DNAH12: variants seen among roughly 807,000 people sequenced by gnomAD.
The protein encoded by DNAH12 is axonemal beta dynein heavy chain 12.
DNAH12 carries 285 observed loss-of-function variants against 371.5 expected under a neutral mutation model. That is an observed-to-expected ratio of 0.77 (90% CI 0.70 to 0.85). The LOEUF is 0.85. Ranked by LOEUF, DNAH12 falls within the 40% of genes least tolerant of loss-of-function variation. The pLI is 0.00. For missense variants in DNAH12, 3,611 were observed against 3,689.4 expected, an observed-to-expected ratio of 0.98 and a Z score of 0.55; for synonymous variants, 1,200 against 1,213.0, an observed-to-expected ratio of 0.99 and a Z score of 0.22.
intron 60 of DNAH12, among the ~76,000 whole-genome samples, chr3:57,338,953 AAAAG>A (rs2062316349): frequency 6.6e-6 from 1 of 152,256 alleles, no homozygotes; most frequent in South Asian, 2.1e-4. Context: ...AAATGTAGGG[AAAAG>A]AAAGAGAGAT....
intron 62 of DNAH12, among the ~76,000 whole-genome samples, chr3:57,333,697 G>C (rs2062160088): frequency 6.6e-6 from 1 of 152,168 alleles, no homozygotes; most frequent in Non-Finnish European, 1.5e-5. Context: ...ACATCGTGGG[G>C]CTGGATTTGG....
intron 20 of DNAH12, 30 bp downstream of exon 20, chr3:57,459,562 C>T (rs1462558865): frequency 1.5e-6 from 2 of 1,346,386 alleles, no homozygotes; most frequent in Admixed American, 3.0e-5. Flanking sequence ...AAAGGTTCAC[C>T]TACTGTGAGA....
In DNAH12 at chr3:57,352,658, A is replaced by G. The variant is rs182013403; in HGVS notation, c.9534-433T>C. Among the ~76,000 whole-genome samples, 5 of 150,208 alleles carry G rather than the reference A, an allele frequency of 3.3e-5. No homozygotes were observed. In the East Asian group the frequency reaches 9.9e-4, roughly 30 times the overall value. ...GTGACTGAAGACAATCAGTTAATTA[A>G]AAAAAAAAATGCCTATTAAATCTCT... On this transcript the variant is annotated intron_variant, in intron 59 of 73. Transcript: ENST00000495027.
chr3:57,415,354 T>C, intron 38 of DNAH12, 72 bp downstream of exon 38: 8 of 1,495,920 alleles, frequency 5.3e-6, no homozygotes, highest in South Asian at 1.3e-5. Flanking sequence ...TTATTTAATG[T>C]ACAATTTTAA....
chr3:57,489,791 T>C, intron 11 of DNAH12, 104 bp from the exon 12 acceptor site: 1 of 1,202,532 alleles, frequency 8.3e-7, no homozygotes, highest in Non-Finnish European at 1.1e-6. Context: ...TACAACTTTA[T>C]TTCTTTTTTG....
At chr3:57,392,777 T>C (rs2063652465) in intron 44 of DNAH12, among the ~76,000 whole-genome samples, 1 of 151,860 alleles carries the variant, frequency 6.6e-6, no homozygotes, top group Non-Finnish European at 1.5e-5. Flanking sequence ...AATGGAAAAG[T>C]TTAGTAGCAA....
rs1335682828 is a variant in DNAH12 at position 57,458,168 on chromosome 3, T to C, written c.2984A>G (p.Asn995Ser). The change falls in exon 21 of 74, where the codon AAT (asparagine) becomes AGT (serine). Residue 995 changes from asparagine to serine, a missense_variant. Asn to Ser is a conservative substitution (Grantham distance 46). This residue lies in a region of DNAH12 where 1,314 missense variants were observed against 1,398.7 expected (regional missense o/e 0.94). Coordinates refer to ENST00000495027, the MANE Select transcript of DNAH12 (RefSeq NM_001366028.2). ...TGLLEKLQNC[N>S]ELLEKIMKGL... ...TTTCATAATTTTCTCCAAAAGTTCA[T>C]TGCAGTTCTGTAGTTTTTCCAATAA... The C allele has an allele frequency of 4.5e-6, 7 of 1,550,004 alleles. No individual in the cohort carries two copies. Among genetic ancestry groups the C allele is most frequent in the Non-Finnish European group, 6.1e-6 (7 of 1,146,596 alleles).
intron 34 of DNAH12, among the ~76,000 whole-genome samples, 152 bp from the exon 35 acceptor site, chr3:57,425,293 G>A (rs576425864): frequency 2.6e-5 from 4 of 151,962 alleles, no homozygotes; most frequent in African/African-American, 9.7e-5. Flanking sequence ...TGTCATCCAG[G>A]CTGGAGCCCA....
chr3:57,498,812 A>C (rs2067404913), intron 11 of DNAH12, among the ~76,000 whole-genome samples: 1 of 152,164 alleles, frequency 6.6e-6, no homozygotes, highest in Non-Finnish European at 1.5e-5. Context: ...ATCCTGGCTA[A>C]CATGGTGAAA....
intron 67 of DNAH12, 28 bp downstream of exon 67, chr3:57,310,684 TTAATC>T (rs1436619945): frequency 1.6e-5 from 23 of 1,442,528 alleles, no homozygotes; most frequent in Non-Finnish European, 2.1e-5. Context: ...AAATCACACA[TTAATC>T]TAACCTTATT....
At chr3:57,389,265 T>C (rs1252270765) in intron 45 of DNAH12, among the ~76,000 whole-genome samples, 1 of 152,078 alleles carries the variant, frequency 6.6e-6, no homozygotes, top group Non-Finnish European at 1.5e-5. Context: ...CTTATATTTA[T>C]GTTCTGGGTG....
intron 32 of DNAH12, among the ~76,000 whole-genome samples, chr3:57,431,991 G>A (rs1191044550): frequency 6.6e-6 from 1 of 151,978 alleles, no homozygotes; most frequent in Non-Finnish European, 1.5e-5. Context: ...TCCCTCTCAT[G>A]CAGTAAGAGA....
intron 16 of DNAH12, among the ~76,000 whole-genome samples, chr3:57,470,052 A>G (rs1169763073): frequency 6.6e-6 from 1 of 152,200 alleles, no homozygotes; most frequent in Non-Finnish European, 1.5e-5. Context: ...TTTTGGGGGT[A>G]AACATTAGTG....
intron 17 of DNAH12, 110 bp from the exon 18 acceptor site, chr3:57,462,985 AAT>A: frequency 1.4e-6 from 1 of 702,352 alleles, no homozygotes; most frequent in Non-Finnish European, 2.3e-6. Context: ...CAATTTATTT[AAT>A]ATATTTCTAT....
chr3:57,528,726 CA>C (rs1387052838), intron 2 of DNAH12, among the ~76,000 whole-genome samples: 1,296 of 120,442 alleles, frequency 0.011, 17 homozygotes, highest in African/African-American at 0.033. Flanking sequence ...AACTCTGTCT[CA>C]AAAAAAAAAA....
chr3:57,428,618 G>A lies in DNAH12; in HGVS notation c.5253+15C>T, dbSNP rs182310050. The A allele has an allele frequency of 3.0e-3, 4,560 of 1,523,520 alleles. 40 individuals are homozygous for A. Among genetic ancestry groups the A allele is most frequent in the South Asian group, 0.022 (1,698 of 78,822 alleles). 94.4% of individuals were successfully genotyped at this position (1,523,520 alleles called of 1,614,324 possible). On this transcript the variant is annotated intron_variant, in intron 34 of 73. Transcript: ENST00000495027. ...AACAAAGAAACTTGAATAGGTCAGA[G>A]AATTATAGGATTACCTTGCATTTTT...
intron 13 of DNAH12, among the ~76,000 whole-genome samples, chr3:57,474,453 C>A (rs758548601): frequency 1.3e-5 from 2 of 152,022 alleles, no homozygotes; most frequent in African/African-American, 4.8e-5. Context: ...TGTGCCACCA[C>A]GCCCAGCTAA....
intron 52 of DNAH12, among the ~76,000 whole-genome samples, chr3:57,378,559 A>G (rs1476703771): frequency 6.6e-6 from 1 of 152,074 alleles, no homozygotes; most frequent in African/African-American, 2.4e-5. Context: ...ACACCTTTTT[A>G]TTTATATTTC....
intron 9 of DNAH12, among the ~76,000 whole-genome samples, chr3:57,502,698 C>T (rs567813906): frequency 4.6e-5 from 7 of 152,244 alleles, no homozygotes; most frequent in Middle Eastern, 6.8e-3. Context: ...TACAGGCGCA[C>T]GCCACCACGC....
Sources: gnomAD v4.1 joint callset for allele counts (sites outside exome capture counted in the v4.1 genomes callset) on GRCh38, gnomAD v4.1.1 for gene constraint, gnomAD v4.1.1 regional missense constraint, MANE v1.5 for transcripts, NCBI Gene and HGNC (gene_info 2026-07-23, HGNC 2026-07-21) for gene names.